ZDHHC15: variants seen among roughly 807,000 people sequenced by gnomAD.
The protein encoded by ZDHHC15 is zDHHC palmitoyltransferase 15, also known as palmitoyltransferase ZDHHC15.
ZDHHC15 carries 19 observed loss-of-function variants against 31.7 expected under a neutral mutation model. That is an observed-to-expected ratio of 0.60 (90% CI 0.42 to 0.88). ZDHHC15 has a LOEUF of 0.88. Ranked by LOEUF, ZDHHC15 falls within the 40% of genes least tolerant of loss-of-function variation. The pLI is 0.00. For missense variants in ZDHHC15, 209 were observed against 251.2 expected (o/e 0.83, Z 1.14); for synonymous variants, 103 against 90.0 (o/e 1.14, Z -0.82).
At chrX:75,392,017 A>G (rs2083249857) in intron 10 of ZDHHC15, among the ~76,000 whole-genome samples, 1 of 112,662 alleles carries the variant, frequency 8.9e-6, no homozygotes, top group Non-Finnish European at 1.9e-5. Flanking sequence ...TTATGCAATT[A>G]GTGTTGTCAT....
intron 2 of ZDHHC15, among the ~76,000 whole-genome samples, chrX:75,505,137 C>T (rs2085138750): frequency 9.0e-6 from 1 of 111,303 alleles, no homozygotes; most frequent in Admixed American, 9.7e-5. Flanking sequence ...GAATGAATAA[C>T]AGCAAATTGG....
At chrX:75,439,894 ATGGGGTTTCC>A (rs1354731000) in intron 4 of ZDHHC15, among the ~76,000 whole-genome samples, 18 of 111,133 alleles carry the variant, frequency 1.6e-4, no homozygotes, top group Non-Finnish European at 3.0e-4. Context: ...TTTTCTAAGG[ATGGGGTTTCC>A]TGGGAGCCAG....
intron 3 of ZDHHC15, among the ~76,000 whole-genome samples, chrX:75,474,431 C>T (rs1328694973): frequency 1.6e-5 from 1 of 63,275 alleles, no homozygotes; most frequent in Non-Finnish European, 2.9e-5. Context: ...ATAAACTCCC[C>T]TTTATATATA....
At chrX:75,493,714 C>A (rs1226895911) in intron 2 of ZDHHC15, among the ~76,000 whole-genome samples, 1 of 112,102 alleles carries the variant, frequency 8.9e-6, no homozygotes, top group Non-Finnish European at 1.9e-5. Flanking sequence ...CAGAAAAGTC[C>A]TTTGACAAAA....
intron 2 of ZDHHC15, among the ~76,000 whole-genome samples, chrX:75,482,107 TA>T (rs1211137231): frequency 9.1e-6 from 1 of 110,423 alleles, no homozygotes; most frequent in African/African-American, 3.3e-5. Context: ...TGTTTCCCAA[TA>T]GATGATGGAG....
At chrX:75,462,403 C>G (rs766351356) in intron 3 of ZDHHC15, among the ~76,000 whole-genome samples, 2 of 112,269 alleles carry the variant, frequency 1.8e-5, no homozygotes, top group Non-Finnish European at 3.8e-5. Context: ...AGAACCCGAA[C>G]ACATCTCTGG....
chrX:75,437,768 G>A (rs2083883041), intron 4 of ZDHHC15, among the ~76,000 whole-genome samples: 1 of 110,127 alleles, frequency 9.1e-6, no homozygotes, highest in African/African-American at 3.3e-5. Context: ...TGTCTTTAAA[G>A]CAGCATGATT....
chrX:75,447,132 T>G (rs1403934612), intron 4 of ZDHHC15, among the ~76,000 whole-genome samples: 1 of 111,813 alleles, frequency 8.9e-6, no homozygotes, highest in East Asian at 2.8e-4. Flanking sequence ...CTACTGCCAC[T>G]GCTGACTACC....
chrX:75,496,279 A>C (rs1381464100), intron 2 of ZDHHC15, among the ~76,000 whole-genome samples: 2 of 111,938 alleles, frequency 1.8e-5, no homozygotes, highest in African/African-American at 6.5e-5. Flanking sequence ...ATAATGATGA[A>C]AAATTTAGGG....
chrX:75,505,238 G>C (rs2085139882), intron 2 of ZDHHC15, among the ~76,000 whole-genome samples: 1 of 111,530 alleles, frequency 9.0e-6, no homozygotes, highest in African/African-American at 3.3e-5. Flanking sequence ...GTATAAAGTG[G>C]CTACATAAAC....
rs779939488 is a variant in ZDHHC15, at chrX:75,408,616, G to A, written c.967+8471C>T. On this transcript the variant is annotated intron_variant, in intron 10 of 11. Coordinates refer to ENST00000373367, the MANE Select transcript of ZDHHC15 (RefSeq NM_144969.3). ...TCCTGGCCAAAGCAATCAGATAAGA[G>A]AAATAAATAAAGGGGATCCAAATTG... 7.9e-3 allele frequency among the ~76,000 whole-genome samples: 891 copies of A among 112,147 alleles called. 10 individuals carry two copies. Among genetic ancestry groups the A allele is most frequent in the African/African-American group, 0.027 (821 of 30,859 alleles).
chrX:75,455,343 C>T (rs1286186946), intron 3 of ZDHHC15, among the ~76,000 whole-genome samples: 3 of 111,740 alleles, frequency 2.7e-5, no homozygotes, highest in Non-Finnish European at 3.8e-5. Context: ...GGATCCCTTC[C>T]TTACACCTTG....
intron 4 of ZDHHC15, among the ~76,000 whole-genome samples, chrX:75,436,950 C>T (rs940285021): frequency 2.7e-5 from 3 of 112,066 alleles, no homozygotes; most frequent in Admixed American, 9.4e-5. Flanking sequence ...GGCGTGATCT[C>T]GGCTCACTGC....
chrX:75,494,471 C>A (rs1016611516), intron 2 of ZDHHC15, among the ~76,000 whole-genome samples: 1 of 111,311 alleles, frequency 9.0e-6, no homozygotes. Flanking sequence ...GCCCACATTG[C>A]CAAGTCAATC....
chrX:75,400,506 T>C (rs1404381130), intron 10 of ZDHHC15, among the ~76,000 whole-genome samples: 6 of 111,687 alleles, frequency 5.4e-5, no homozygotes, highest in East Asian at 2.8e-4. Flanking sequence ...CTACAAATCA[T>C]TGGCATCCCT....
intron 6 of ZDHHC15, 97 bp downstream of exon 6, chrX:75,429,851 G>T (rs2083757309): frequency 1.1e-6 from 1 of 871,106 alleles, no homozygotes; most frequent in Non-Finnish European, 1.6e-6. Context: ...GAATTATGGT[G>T]GCAGAAACAG....
intron 1 of ZDHHC15, 49 bp from the exon 2 acceptor site, chrX:75,505,896 TGAGAGAGA>T (rs761788572): frequency 3.0e-6 from 3 of 1,013,488 alleles, no homozygotes; most frequent in Non-Finnish European, 4.1e-6. Context: ...CAGAGATGGA[TGAGAGAGA>T]GAGAGAGAGA....
At chrX:75,460,287 C>A (rs2084291607) in intron 3 of ZDHHC15, among the ~76,000 whole-genome samples, 1 of 111,208 alleles carries the variant, frequency 9.0e-6, no homozygotes, top group African/African-American at 3.3e-5. Flanking sequence ...CTGAACTTTC[C>A]CTGGGATGGA....
chrX:75,381,409 A>T (rs1160775942), intron 10 of ZDHHC15, among the ~76,000 whole-genome samples: 2 of 111,569 alleles, frequency 1.8e-5, no homozygotes, highest in Admixed American at 1.9e-4. Flanking sequence ...CTATTTCCAG[A>T]TACTTAAAAT....
Sources: allele counts gnomAD v4.1 joint callset (sites outside exome capture counted in the v4.1 genomes callset), GRCh38; gene constraint gnomAD v4.1.1; transcripts MANE v1.5; gene names NCBI Gene and HGNC (gene_info 2026-07-23, HGNC 2026-07-21).